Variants in ARID4A observed in about 807,000 individuals in gnomAD.
ARID4A encodes AT-rich interaction domain 4A, also known as AT-rich interactive domain-containing protein 4A.
A neutral mutation model predicts 148.6 loss-of-function variants in ARID4A; 39 were observed. That is an observed-to-expected ratio of 0.26 (90% CI 0.20 to 0.34). The LOEUF is 0.34. ARID4A is among the 10% of genes least tolerant of loss of function. The pLI, the probability that ARID4A is intolerant of heterozygous loss-of-function variation, is 1.00. For missense variants in ARID4A, 1,265 were observed against 1,449.1 expected (o/e 0.87, Z 2.06); for synonymous variants, 475 against 481.2 (o/e 0.99, Z 0.17).
intron 11 of ARID4A, among the ~76,000 whole-genome samples, chr14:58,336,496 T>C (rs1423423424): frequency 1.3e-5 from 2 of 152,232 alleles, no homozygotes; most frequent in Non-Finnish European, 2.9e-5. Context: ...GAAGTTTAAC[T>C]GAAGTTTAAA....
chr14:58,317,370 C>T (rs546673496), intron 5 of ARID4A, among the ~76,000 whole-genome samples: 3 of 146,956 alleles, frequency 2.0e-5, no homozygotes, highest in Admixed American at 6.8e-5. Flanking sequence ...CTGCAAGCTC[C>T]GCCTCCTGGG....
rs751088682 is a variant in ARID4A at position 58,351,121 on chromosome 14, G to A, written c.1453G>A (p.Glu485Lys). Residue 485 changes from glutamate to lysine, a missense_variant, in exon 16 of 24, where the codon GAA becomes AAA. Physicochemically the swap from Glu to Lys is moderately conservative, Grantham distance 56 (BLOSUM62 1). Coordinates refer to ENST00000355431, the MANE Select transcript of ARID4A (RefSeq NM_002892.4). ...TGTAAATTCTATTAAAAAGGAAATT[G>A]AAGAAGAGAAAACAGAAGACAAATT... ...RDVNSIKKEI[E>K]EEKTEDKLKD... 7 of 1,604,548 alleles carry A rather than the reference G, an allele frequency of 4.4e-6. No individual in the cohort carries two copies. In the Admixed American group the frequency reaches 8.6e-5, roughly 20 times the overall value.
At position 58,346,086 on chromosome 14, in the gene ARID4A, GTTTAC is replaced by G. The variant is rs1030279907; in HGVS notation, c.980-320_980-316del. Among the ~76,000 whole-genome samples, 7 of 151,478 alleles carry G rather than the reference GTTTAC, an allele frequency of 4.6e-5. No homozygotes were observed. The South Asian group carries it at 1.5e-3, about 32-fold the overall frequency. ...AACATTGTTGGCCACACCATGCAGT[GTTTAC>G]TTTAGTTTTACTCAATTCATTGGCA... On this transcript the variant is annotated intron_variant, in intron 12 of 23. Transcript: ENST00000355431.
intron 23 of ARID4A, chr14:58,370,056 C>G (rs914534564): frequency 6.6e-6 from 1 of 152,200 alleles, no homozygotes; most frequent in South Asian, 2.1e-4. Flanking sequence ...GACCATTGTG[C>G]TCCAAGTCCA....
chr14:58,312,217 A>C (rs914410899), intron 5 of ARID4A, among the ~76,000 whole-genome samples: 9 of 142,916 alleles, frequency 6.3e-5, no homozygotes, highest in Non-Finnish European at 9.3e-5. Context: ...TTAATGTTAA[A>C]TTTTTTTTTT....
intron 8 of ARID4A, among the ~76,000 whole-genome samples, chr14:58,327,504 TAGA>T (rs1566686834): frequency 3.9e-5 from 6 of 151,994 alleles, no homozygotes; most frequent in Non-Finnish European, 8.8e-5. Context: ...AAAGGTAACA[TAGA>T]TTTTTTTTTT....
chr14:58,362,841 A>G (rs189420017), intron 19 of ARID4A, among the ~76,000 whole-genome samples: 99 of 152,286 alleles, frequency 6.5e-4, no homozygotes, highest in Non-Finnish European at 1.5e-4. Flanking sequence ...TACAGGTGTG[A>G]GCCACTGTGC....
chr14:58,359,802 C>T (rs779203691), intron 18 of ARID4A, among the ~76,000 whole-genome samples: 1 of 152,170 alleles, frequency 6.6e-6, no homozygotes, highest in African/African-American at 2.4e-5. Context: ...CATGGTGGCT[C>T]ATGCCTGTAA....
chr14:58,310,300 G>A (rs1231564810), intron 5 of ARID4A, among the ~76,000 whole-genome samples: 1 of 151,648 alleles, frequency 6.6e-6, no homozygotes, highest in African/African-American at 2.4e-5. Flanking sequence ...ATGAATAACA[G>A]AACTATTGAA....
Position 58,325,190 on chromosome 14 carries a change from C to T in ARID4A, c.582+1573C>T, listed in dbSNP as rs113392247. Among the ~76,000 whole-genome samples the T allele has an allele frequency of 8.1e-3, 1,231 of 152,182 alleles. 23 individuals carry two copies. Among genetic ancestry groups the T allele is most frequent in the African/African-American group, 0.028 (1,146 of 41,516 alleles). The stretch of plus-strand genomic sequence containing the variant: ...TCTTCTCTTCCTACTCCTTTACTTC[C>T]TCCTCCACTTCTTCATCCCCTCTTA... On this transcript the variant is annotated intron_variant, in intron 8 of 23. Transcript: ENST00000355431.
intron 12 of ARID4A, among the ~76,000 whole-genome samples, chr14:58,345,719 C>CTTTTTTTTTTT (rs869137059): frequency 4.0e-5 from 3 of 75,874 alleles, no homozygotes; most frequent in African/African-American, 5.9e-5. Context: ...TATGCCTAAA[C>CTTTTTTTTTTT]TTTTTTTTTT....
At position 58,365,293 on chromosome 14, in the gene ARID4A, A is replaced by G; in HGVS notation, c.3204A>G (p.Arg1068=). 6.2e-7 allele frequency: 1 copy of G among 1,609,802 alleles called. No individual in the cohort carries two copies. The change falls in exon 20 of 24, where the codon AGA becomes AGG. Residue 1068 remains arginine, a synonymous_variant. Transcript: ENST00000355431. ...TAATTGTACAAGAGAGAGAGAGCAG[A>G]GAGAAGGGTAAGGACTTTCTAGGGA... ...CSIIVQERES[R]EKGQKRPSDG...
In ARID4A at chr14:58,301,338, CAT is replaced by C. The variant is rs1331171113; in HGVS notation, c.7-241_7-240del. On this transcript the variant is annotated intron_variant, in intron 2 of 23. Coordinates refer to ENST00000355431, the MANE Select transcript of ARID4A (RefSeq NM_002892.4). ...TGAAAAATTTTGTATCGAGACAAAA[CAT>C]TATTAATCACTGATAATTTTGAATT... Among the ~76,000 whole-genome samples, 5 of 151,990 alleles carry C rather than the reference CAT, an allele frequency of 3.3e-5. No individual in the cohort carries two copies. The East Asian group carries it at 7.7e-4, about 23-fold the overall frequency.
chr14:58,359,248 T>G (rs370597416), intron 18 of ARID4A, 32 bp downstream of exon 18: 3 of 1,541,366 alleles, frequency 1.9e-6, no homozygotes, highest in Non-Finnish European at 2.6e-6. Context: ...CTTTATAATA[T>G]GTATAGGAAT....
intron 4 of ARID4A, among the ~76,000 whole-genome samples, chr14:58,305,395 A>G (rs1465352068): frequency 6.6e-6 from 1 of 152,082 alleles, no homozygotes; most frequent in Non-Finnish European, 1.5e-5. Context: ...AACTATGTTC[A>G]CTTCCTAATT....
At chr14:58,369,762 T>C (rs2035524740) in intron 23 of ARID4A, among the ~76,000 whole-genome samples, 1 of 152,038 alleles carries the variant, frequency 6.6e-6, no homozygotes, top group Non-Finnish European at 1.5e-5. Context: ...TAAGAAGACA[T>C]GGGACTGGCA....
rs1014200939 is a variant in ARID4A at position 58,371,777 on chromosome 14, G to C, written c.3671-109G>C. 6 of 840,432 alleles carry C rather than the reference G, an allele frequency of 7.1e-6. No homozygotes were observed. In the African/African-American group the frequency reaches 1.0e-4, roughly 14 times the overall value. The allele number at this position is 840,432 out of a possible 1,614,324, so 52.1% of individuals were successfully genotyped here. ...TACTCCTTCATGTGACATATAAGAGGCCTGTGATTAAGGTGAATAATGTTA... is the reference window on the plus strand; with the variant it reads ...TACTCCTTCATGTGACATATAAGAGCCCTGTGATTAAGGTGAATAATGTTA... On this transcript the variant is annotated intron_variant, in intron 23 of 23. Transcript: ENST00000355431.
intron 7 of ARID4A, among the ~76,000 whole-genome samples, chr14:58,320,788 T>A (rs753244565): frequency 6.6e-6 from 1 of 152,122 alleles, no homozygotes; most frequent in South Asian, 2.1e-4. Context: ...TTTGTATTTT[T>A]AGTAGAGACG....
chr14:58,323,857 C>G (rs1432704884), intron 8 of ARID4A, among the ~76,000 whole-genome samples: 1 of 149,298 alleles, frequency 6.7e-6, no homozygotes, highest in Admixed American at 6.7e-5. Flanking sequence ...CATAATATGT[C>G]CAATGGCTTT....
Sources: allele counts gnomAD v4.1 joint callset (sites outside exome capture counted in the v4.1 genomes callset), GRCh38; gene constraint gnomAD v4.1.1; transcripts MANE v1.5; gene names NCBI Gene and HGNC (gene_info 2026-07-23, HGNC 2026-07-21).